The following SLC41A3 variants were observed in gnomAD, a reference collection of about 807,000 sequenced individuals.
The protein encoded by SLC41A3 is SLC41A1-like 2.
A neutral mutation model predicts 45.4 loss-of-function variants in SLC41A3; 44 were observed. The ratio of observed to expected loss-of-function variants is 0.97; its 90% CI spans 0.76 to 1.25. SLC41A3 has a LOEUF of 1.25. Ranked by LOEUF, SLC41A3 falls within the 50% of genes most tolerant of loss-of-function variation. The probability of loss-of-function intolerance (pLI) is 0.00; values close to 1 mark genes in which losing one functional copy is unlikely to be tolerated. For synonymous variants in SLC41A3, 256 were observed against 252.4 expected, an observed-to-expected ratio of 1.01 and a Z score of -0.13; for missense variants, 550 against 600.6, an observed-to-expected ratio of 0.92 and a Z score of 0.88.
rs1939166818 is a variant in SLC41A3 at position 126,006,976 on chromosome 3, G to A, written c.*40C>T. The A allele has an allele frequency of 6.2e-7, 1 of 1,613,312 alleles. No individual in the cohort carries two copies. The highest frequency in any genetic ancestry group is 1.7e-5 in the Admixed American group (1 of 59,986). ...TGAATTCTGTATCCCACTGATGTGA[G>A]AGGAAATTCTAATGAGCAAATGGGA... On this transcript the variant is annotated 3_prime_UTR_variant, in exon 11 of 11. Coordinates refer to ENST00000360370, the MANE Select transcript of SLC41A3 (RefSeq NM_017836.4).
chr3:126,022,486 A>G (rs1009616293), intron 6 of SLC41A3, among the ~76,000 whole-genome samples: 4 of 152,246 alleles, frequency 2.6e-5, no homozygotes, highest in African/African-American at 9.6e-5. Context: ...AGGGCACCAC[A>G]TGGTGACAGA....
intron 4 of SLC41A3, among the ~76,000 whole-genome samples, chr3:126,031,696 G>A (rs910330654): frequency 1.2e-4 from 19 of 152,230 alleles, no homozygotes; most frequent in Admixed American, 6.5e-5. Context: ...CCTGAGCAGG[G>A]CTTCATAAAC....
chr3:126,075,102 G>A (rs1283856976), intron 1 of SLC41A3, among the ~76,000 whole-genome samples: 4 of 151,014 alleles, frequency 2.6e-5, no homozygotes, highest in Non-Finnish European at 5.9e-5. Flanking sequence ...ATGCTATCAT[G>A]CTTGGCTATA....
chr3:126,050,653 G>T (rs1404253025), intron 3 of SLC41A3, among the ~76,000 whole-genome samples: 1 of 152,156 alleles, frequency 6.6e-6, no homozygotes, highest in Non-Finnish European at 1.5e-5. Context: ...GATGCGGGTG[G>T]CAGGGCGGTG....
intron 4 of SLC41A3, among the ~76,000 whole-genome samples, chr3:126,032,690 G>A (rs942277882): frequency 6.6e-6 from 1 of 152,200 alleles, no homozygotes; most frequent in Non-Finnish European, 1.5e-5. Flanking sequence ...TTTTGGGGGT[G>A]CCTCTGGGAC....
In SLC41A3 at chr3:126,033,762, G is replaced by A. The variant is rs1424594054; in HGVS notation, c.382-84C>T. The A allele has an allele frequency of 2.9e-6, 4 of 1,399,390 alleles. No individual in the cohort carries two copies. In the South Asian group the frequency reaches 5.0e-5, roughly 17 times the overall value. 86.7% of individuals were successfully genotyped at this position (1,399,390 alleles called of 1,614,324 possible). A position where few individuals can be genotyped will look rare whatever the true frequency, so the allele number is the denominator to read the frequency against. The stretch of plus-strand genomic sequence containing the variant: ...CTTCCTGGGAAAGGCAGTCTCTCAG[G>A]GAAGAAATCAACAAATACCATTTCA... On this transcript the variant is annotated intron_variant, in intron 3 of 10. Transcript: ENST00000360370.
At chr3:126,058,497 C>T (rs1943814936) in intron 2 of SLC41A3, among the ~76,000 whole-genome samples, 1 of 152,150 alleles carries the variant, frequency 6.6e-6, no homozygotes, top group Non-Finnish European at 1.5e-5. Flanking sequence ...AAATGCAAGC[C>T]TCACTCGGAG....
chr3:126,088,772 TA>T (rs1945439201), upstream of SLC41A3, among the ~76,000 whole-genome samples: 1 of 152,106 alleles, frequency 6.6e-6, no homozygotes, highest in Non-Finnish European at 1.5e-5. Flanking sequence ...ATCAGCTTCT[TA>T]AAAAAATGTA....
At chr3:126,015,835 T>C (rs1940224755) in intron 7 of SLC41A3, among the ~76,000 whole-genome samples, 1 of 152,116 alleles carries the variant, frequency 6.6e-6, no homozygotes, top group Non-Finnish European at 1.5e-5. Context: ...AACTAACAAA[T>C]GCCTTTTCAA....
At position 126,006,913 on chromosome 3, in the gene SLC41A3, A is replaced by AG. The variant is rs1385137142; in HGVS notation, c.*102dup. The AG allele has an allele frequency of 1.9e-5, 29 of 1,565,680 alleles. No individual in the cohort carries two copies. The South Asian group carries it at 2.0e-4, about 11-fold the overall frequency. ...ACTCACAAAAGGCTACTGCAGAGGC[A>AG]GGGGTCAACCATCCCAAGGACCTGG... is the stretch of plus-strand genomic sequence containing the variant. On this transcript the variant is annotated 3_prime_UTR_variant, in exon 11 of 11. Transcript: ENST00000360370.
chr3:126,023,483 G>C (rs911210669), intron 5 of SLC41A3: 1 of 153,822 alleles, frequency 6.5e-6, no homozygotes, highest in Non-Finnish European at 1.4e-5. Flanking sequence ...ACAGGGGAGG[G>C]GGGCAGCGAA....
At chr3:126,030,863 T>C (rs546399415) in intron 4 of SLC41A3, among the ~76,000 whole-genome samples, 3 of 152,350 alleles carry the variant, frequency 2.0e-5, no homozygotes, top group South Asian at 2.1e-4. Flanking sequence ...CTCTTATACA[T>C]TGAAGGGGGT....
At chr3:126,018,782 T>C (rs993424981) in intron 6 of SLC41A3, among the ~76,000 whole-genome samples, 2 of 152,232 alleles carry the variant, frequency 1.3e-5, no homozygotes, top group African/African-American at 4.8e-5. Context: ...AGTACACCTC[T>C]GCCCTAAAGG....
chr3:126,101,410 C>T (rs1359145951), intron 1 of SLC41A3: 2 of 152,208 alleles, frequency 1.3e-5, no homozygotes, highest in Non-Finnish European at 2.9e-5. Context: ...TGGGGGATAA[C>T]GAAGTCTTAT....
chr3:126,020,191 C>T (rs959306506), intron 6 of SLC41A3, among the ~76,000 whole-genome samples: 5 of 152,200 alleles, frequency 3.3e-5, no homozygotes, highest in South Asian at 2.1e-4. Context: ...GGCCAAGGAG[C>T]GCTGCACTGG....
intron 1 of SLC41A3, among the ~76,000 whole-genome samples, chr3:126,096,302 T>C (rs1034425688): frequency 3.9e-5 from 6 of 152,194 alleles, no homozygotes; most frequent in African/African-American, 7.2e-5. Context: ...CTGACTCCTA[T>C]GAGAAGTAGC....
intron 9 of SLC41A3, among the ~76,000 whole-genome samples, chr3:126,009,282 T>C (rs1032892718): frequency 1.3e-5 from 2 of 152,144 alleles, no homozygotes; most frequent in Non-Finnish European, 2.9e-5. Flanking sequence ...AAAGAGAACA[T>C]ACAAGGGGCT....
intron 1 of SLC41A3, among the ~76,000 whole-genome samples, chr3:126,078,638 T>G (rs558590223): frequency 1.3e-5 from 2 of 152,226 alleles, no homozygotes; most frequent in East Asian, 3.9e-4. Context: ...CCTCCTTTAA[T>G]CCTTACGGGA....
At chr3:126,043,833 AAAAAAAC>A (rs1235176714) in intron 3 of SLC41A3, among the ~76,000 whole-genome samples, 1 of 132,810 alleles carries the variant, frequency 7.5e-6, no homozygotes, top group African/African-American at 2.6e-5. Flanking sequence ...AAAAAACAAA[AAAAAAAC>A]ACCCCAGAGG....
Sources: gnomAD v4.1 joint callset for allele counts (sites outside exome capture counted in the v4.1 genomes callset) on GRCh38, gnomAD v4.1.1 for gene constraint, MANE v1.5 for transcripts, NCBI Gene and HGNC (gene_info 2026-07-23, HGNC 2026-07-21) for gene names.